The following TAMM41 variants were observed in gnomAD, a reference collection of about 807,000 sequenced individuals.
The protein encoded by TAMM41 is phosphatidate cytidylyltransferase, mitochondrial.
Under a neutral mutation model 44.1 loss-of-function variants are expected in TAMM41, and 36 were observed. That is an observed-to-expected ratio of 0.82 (90% CI 0.63 to 1.08). TAMM41 has a LOEUF of 1.08. TAMM41 is among the 50% of genes least tolerant of loss of function. The pLI, the probability that TAMM41 is intolerant of heterozygous loss-of-function variation, is 0.00. For missense variants in TAMM41, 417 were observed against 404.3 expected, an observed-to-expected ratio of 1.03 and a Z score of -0.27; for synonymous variants, 164 against 153.1, an observed-to-expected ratio of 1.07 and a Z score of -0.53.
chr3:11,785,928 T>C (rs1372187237), downstream of TAMM41, among the ~76,000 whole-genome samples: 1 of 152,156 alleles, frequency 6.6e-6, no homozygotes, highest in African/African-American at 2.4e-5. Context: ...CCAAGTGGCA[T>C]CTGGGCAGTG....
chr3:11,802,815 A>T (rs2077792069), intron 7 of TAMM41, among the ~76,000 whole-genome samples: 1 of 152,236 alleles, frequency 6.6e-6, no homozygotes, highest in Non-Finnish European at 1.5e-5. Context: ...AATACTAGCA[A>T]ATTAAATCCA....
At chr3:11,738,434 A>C in the TAMM41 span, among the ~76,000 whole-genome samples, 1 of 152,174 alleles carries the variant, frequency 6.6e-6, no homozygotes, top group Non-Finnish European at 1.5e-5. Context: ...TGGTCAATAC[A>C]TGGTGCTAGT....
At chr3:11,838,302 T>C (rs1416634964) in intron 3 of TAMM41, among the ~76,000 whole-genome samples, 1 of 151,974 alleles carries the variant, frequency 6.6e-6, no homozygotes, top group Non-Finnish European at 1.5e-5. Flanking sequence ...GCAATTTCCA[T>C]CTCCCAGATT....
chr3:11,802,273 C>T (rs979092497), intron 7 of TAMM41, among the ~76,000 whole-genome samples: 9 of 151,980 alleles, frequency 5.9e-5, no homozygotes, highest in Admixed American at 2.0e-4. Flanking sequence ...ATTGATAAAC[C>T]ACTAGCTAAG....
the TAMM41 span, among the ~76,000 whole-genome samples, chr3:11,751,230 T>C: frequency 6.6e-6 from 1 of 152,000 alleles, no homozygotes; most frequent in Non-Finnish European, 1.5e-5. Context: ...TAGCTGGGAT[T>C]ACAGGCATGT....
chr3:11,771,487 T>G, the TAMM41 span: 1 of 152,232 alleles, frequency 6.6e-6, no homozygotes, highest in Non-Finnish European at 1.5e-5. Flanking sequence ...GTTTGTTTGT[T>G]TTTGAGACGG....
At chr3:11,813,856 G>GTGTGTA (rs762236545) in intron 5 of TAMM41, among the ~76,000 whole-genome samples, 4 of 141,580 alleles carry the variant, frequency 2.8e-5, no homozygotes, top group Admixed American at 2.8e-4. Flanking sequence ...GTGTGTGTGT[G>GTGTGTA]TATGTATGTA....
intron 5 of TAMM41, among the ~76,000 whole-genome samples, chr3:11,813,872 A>G (rs957212819): frequency 4.9e-4 from 70 of 142,788 alleles, no homozygotes; most frequent in African/African-American, 1.7e-3. Context: ...ATGTATATAT[A>G]TGTATATATG....
chr3:11,805,135 G>A (rs185801266), intron 7 of TAMM41, among the ~76,000 whole-genome samples: 181 of 150,798 alleles, frequency 1.2e-3, no homozygotes, highest in Middle Eastern at 3.4e-3. Flanking sequence ...GCTCAAAGGT[G>A]GGACTACAGG....
intron 7 of TAMM41, among the ~76,000 whole-genome samples, chr3:11,799,022 C>A (rs942274717): frequency 1.1e-4 from 16 of 151,904 alleles, no homozygotes; most frequent in African/African-American, 3.6e-4. Context: ...TGAAACAAGC[C>A]TGGGCAACAT....
intron 4 of TAMM41, 77 bp downstream of exon 4, chr3:11,829,637 G>T (rs916753810): frequency 2.0e-6 from 3 of 1,524,112 alleles, no homozygotes; most frequent in Non-Finnish European, 1.8e-6. Flanking sequence ...CTCCAGGGCC[G>T]AGTGAGAACA....
At chr3:11,723,212 G>A in the TAMM41 span, among the ~76,000 whole-genome samples, 1 of 152,076 alleles carries the variant, frequency 6.6e-6, no homozygotes, top group Non-Finnish European at 1.5e-5. Flanking sequence ...GCATGGGATT[G>A]GATGGGAGAA....
chr3:11,767,643 T>TTTTTTTTTTTTTTTTTTTTTA, the TAMM41 span, among the ~76,000 whole-genome samples: 3 of 139,034 alleles, frequency 2.2e-5, no homozygotes, highest in Non-Finnish European at 3.1e-5. Context: ...TTTTTTTTTT[T>TTTTTTTTTTTTTTTTTTTTTA]GAGACAGAGT....
chr3:11,764,588 G>A, the TAMM41 span, among the ~76,000 whole-genome samples: 1 of 135,996 alleles, frequency 7.4e-6, no homozygotes, highest in Non-Finnish European at 1.5e-5. Context: ...CGCCTCCCAC[G>A]TTCACGCCAT....
At position 11,846,702 on chromosome 3, in the gene TAMM41, C is replaced by T. The variant is rs112772625; in HGVS notation, c.-66G>A. 3 of 1,606,324 alleles carry T rather than the reference C, an allele frequency of 1.9e-6. No individual in the cohort carries two copies. Among genetic ancestry groups the T allele is most frequent in the African/African-American group, 2.7e-5 (2 of 74,854 alleles). On this transcript the variant is annotated 5_prime_UTR_variant, in exon 1 of 8. The change creates a new upstream start codon in the 5' untranslated region. Transcript: ENST00000455809. ...AGGACAACCGGGCGGGGAACAGACA[C>T]CGGGTAGGCGGTTTAGGGTGGGAAA...
chr3:11,739,671 CAAAAAAA>C, the TAMM41 span, among the ~76,000 whole-genome samples: 5 of 53,442 alleles, frequency 9.4e-5, no homozygotes, highest in African/African-American at 3.0e-4. Context: ...GACTCCATCT[CAAAAAAA>C]AAAAAAAAAA....
the TAMM41 span, among the ~76,000 whole-genome samples, chr3:11,776,621 T>A: frequency 6.6e-6 from 1 of 152,080 alleles, no homozygotes; most frequent in Non-Finnish European, 1.5e-5. Flanking sequence ...GCCATCTAGG[T>A]TTCTGTAAGT....
At chr3:11,763,136 C>T in the TAMM41 span, among the ~76,000 whole-genome samples, 50 of 152,264 alleles carry the variant, frequency 3.3e-4, no homozygotes, top group Non-Finnish European at 6.2e-4. Context: ...ATCCTAAAGC[C>T]ATCCTCCACC....
the TAMM41 span, among the ~76,000 whole-genome samples, chr3:11,770,532 A>T: frequency 2.0e-5 from 3 of 152,198 alleles, no homozygotes; most frequent in Non-Finnish European, 2.9e-5. Flanking sequence ...CTGCTTGCTG[A>T]TGAAAGCTGT....
Sources: gnomAD v4.1 joint callset for allele counts (sites outside exome capture counted in the v4.1 genomes callset) on GRCh38, gnomAD v4.1.1 for gene constraint, MANE v1.5 for transcripts, NCBI Gene and HGNC (gene_info 2026-07-23, HGNC 2026-07-21) for gene names.